Variants in SNX4 observed in about 807,000 individuals in gnomAD.
SNX4 encodes sorting nexin-4.
In SNX4, 49 loss-of-function variants were observed where a neutral mutation model predicts 70.8. The observed-to-expected ratio is 0.69, with a 90% CI of 0.55 to 0.88. The LOEUF (loss-of-function observed/expected upper bound fraction) is 0.88. Among genes scored for constraint, SNX4 ranks in the 40% least tolerant of loss-of-function variants. The pLI is 0.00. For synonymous variants in SNX4, 206 were observed against 183.8 expected (o/e 1.12, Z -0.98); for missense variants, 528 against 544.8 (o/e 0.97, Z 0.31).
chr3:125,462,952 G>A (rs528900549), intron 9 of SNX4, among the ~76,000 whole-genome samples: 33 of 152,296 alleles, frequency 2.2e-4, no homozygotes, highest in African/African-American at 6.5e-4. Context: ...AGTCGGCCTC[G>A]TGTGTTGGTT....
chr3:125,499,092 G>A (rs1463288229), intron 2 of SNX4, among the ~76,000 whole-genome samples: 1 of 152,172 alleles, frequency 6.6e-6, no homozygotes, highest in Non-Finnish European at 1.5e-5. Flanking sequence ...TAATTATAAA[G>A]GGCTGGTAGG....
At chr3:125,462,098 T>G (rs980798962) in intron 9 of SNX4, among the ~76,000 whole-genome samples, 7 of 152,210 alleles carry the variant, frequency 4.6e-5, no homozygotes, top group African/African-American at 1.7e-4. Flanking sequence ...CAAGCACATG[T>G]CTCAACACCT....
chr3:125,497,493 G>C lies in SNX4; in HGVS notation c.550-105C>G, dbSNP rs932702675. 16 of 784,992 alleles carry C rather than the reference G, an allele frequency of 2.0e-5. No homozygotes were observed. In the Admixed American group the frequency reaches 4.0e-4, roughly 19 times the overall value. The allele number at this position is 784,992 out of a possible 1,614,324, so 48.6% of individuals were successfully genotyped here. On this transcript the variant is annotated intron_variant, in intron 4 of 13. Coordinates refer to ENST00000251775, the MANE Select transcript of SNX4 (RefSeq NM_003794.4). ...TGTTCTTACTTCAGCAGGAATTGGA[G>C]AGAGAAGTTTAAAAAAATTTCTTTT...
At chr3:125,497,005 G>C (rs780099486) in intron 5 of SNX4, among the ~76,000 whole-genome samples, 1 of 150,910 alleles carries the variant, frequency 6.6e-6, no homozygotes, top group Non-Finnish European at 1.5e-5. Context: ...AAAGAGGCAA[G>C]GTATAATACT....
At chr3:125,452,080 T>G (rs1357214778) in intron 12 of SNX4, among the ~76,000 whole-genome samples, 1 of 151,910 alleles carries the variant, frequency 6.6e-6, no homozygotes. Flanking sequence ...TACACTCTTT[T>G]GACAAGATGG....
chr3:125,504,681 T>C lies in SNX4; in HGVS notation c.205A>G (p.Thr69Ala). Residue 69 changes from threonine (T) to alanine (A), a missense_variant, in exon 2 of 14, where the codon ACT becomes GCT. Physicochemically the swap from Thr to Ala is moderately conservative, Grantham distance 58 (BLOSUM62 0). Transcript: ENST00000251775. ...TGCATGTTCATGGCATTTCTTCCAG[T>C]TCGTTTTTCTGCTTCTGAAACACTG... ...EISVSEAEKRTGRNAMNMQET... is the reference protein window; with the variant it reads ...EISVSEAEKRAGRNAMNMQET... The C allele has an allele frequency of 6.2e-7, 1 of 1,614,120 alleles. No individual in the cohort carries two copies. Among genetic ancestry groups the C allele is most frequent in the Non-Finnish European group, 8.5e-7 (1 of 1,179,992 alleles).
intron 1 of SNX4, among the ~76,000 whole-genome samples, chr3:125,518,210 G>A (rs1935321819): frequency 6.6e-6 from 1 of 152,128 alleles, no homozygotes. Context: ...TGTAACCCCA[G>A]CTACTCAGAA....
chr3:125,500,799 CAAAAAAAAAAAAAAAAA>C (rs770336677), intron 2 of SNX4, among the ~76,000 whole-genome samples: 1 of 29,298 alleles, frequency 3.4e-5, no homozygotes, highest in South Asian at 2.1e-3. Context: ...GACTCCGTCT[CAAAAAAAAAAAAAAAAA>C]AAAAAAAAAA....
chr3:125,486,373 T>C (rs1321711752), intron 6 of SNX4, among the ~76,000 whole-genome samples: 1 of 152,216 alleles, frequency 6.6e-6, no homozygotes, highest in Admixed American at 6.5e-5. Context: ...TAGATTTTTT[T>C]TTTTCAGCCA....
intron 10 of SNX4, among the ~76,000 whole-genome samples, chr3:125,458,707 G>A (rs1427942712): frequency 2.0e-5 from 3 of 150,600 alleles, no homozygotes; most frequent in East Asian, 2.0e-4. Context: ...CCAGCTACGC[G>A]GGAGGCTGAA....
At chr3:125,475,727 AGCACTATGGGGG>A (rs1384251997) in intron 8 of SNX4, among the ~76,000 whole-genome samples, 1 of 152,214 alleles carries the variant, frequency 6.6e-6, no homozygotes, top group Admixed American at 6.5e-5. Flanking sequence ...CTGTAATCCT[AGCACTATGGGGG>A]GCCGAAGCCA....
intron 6 of SNX4, among the ~76,000 whole-genome samples, chr3:125,480,866 T>A (rs1296970574): frequency 6.6e-6 from 1 of 152,134 alleles, no homozygotes; most frequent in South Asian, 2.1e-4. Context: ...CATATCTACA[T>A]CATTTTTTCC....
intron 8 of SNX4, among the ~76,000 whole-genome samples, chr3:125,470,603 G>A (rs1012997745): frequency 1.3e-5 from 2 of 151,652 alleles, no homozygotes; most frequent in Non-Finnish European, 2.9e-5. Context: ...AACCACAAGG[G>A]TCGCTCTAGT....
chr3:125,469,433 A>C lies in SNX4; in HGVS notation c.854+21T>G, dbSNP rs371911225. ...TACAGGACTTCACCTCAGGCTTCAC[A>C]AAAGTTCTCGAGGTACTTACACATC... is the stretch of plus-strand genomic sequence containing the variant. On this transcript the variant is annotated intron_variant, in intron 9 of 13. Coordinates refer to ENST00000251775, the MANE Select transcript of SNX4 (RefSeq NM_003794.4). The C allele has an allele frequency of 4.4e-6, 7 of 1,591,294 alleles. No individual in the cohort carries two copies. In the South Asian group the frequency reaches 7.8e-5, roughly 18 times the overall value.
intron 1 of SNX4, among the ~76,000 whole-genome samples, chr3:125,506,409 C>G (rs900841641): frequency 4.0e-5 from 6 of 150,274 alleles, no homozygotes; most frequent in African/African-American, 1.5e-4. Flanking sequence ...GGTGCAATCT[C>G]AATTCAGCGC....
chr3:125,499,825 T>G (rs965063569), intron 2 of SNX4, among the ~76,000 whole-genome samples: 1 of 149,932 alleles, frequency 6.7e-6, no homozygotes, highest in Admixed American at 6.7e-5. Flanking sequence ...TCCCAGCACT[T>G]TGGGAGGTCA....
At chr3:125,509,150 T>A (rs552876430) in intron 1 of SNX4, among the ~76,000 whole-genome samples, 64 of 151,790 alleles carry the variant, frequency 4.2e-4, no homozygotes, top group African/African-American at 1.5e-3. Flanking sequence ...CTGGCCCACA[T>A]GGTGAAACCG....
At chr3:125,497,308 G>A (rs1934817633) in intron 5 of SNX4, 33 bp downstream of exon 5, 1 of 1,506,274 alleles carries the variant, frequency 6.6e-7, no homozygotes, top group African/African-American at 1.4e-5. Context: ...GAACTGTAAA[G>A]GAACATGGCA....
intron 8 of SNX4, among the ~76,000 whole-genome samples, chr3:125,472,201 GA>G (rs1328401920): frequency 6.6e-6 from 1 of 151,660 alleles, no homozygotes; most frequent in African/African-American, 2.4e-5. Context: ...TTTCAATTAA[GA>G]AAAAAAAGCT....
Sources: gnomAD v4.1 joint callset for allele counts (sites outside exome capture counted in the v4.1 genomes callset) on GRCh38, gnomAD v4.1.1 for gene constraint, MANE v1.5 for transcripts, NCBI Gene and HGNC (gene_info 2026-07-23, HGNC 2026-07-21) for gene names.